AGPS: variants seen among roughly 807,000 people sequenced by gnomAD.
AGPS encodes alkylglycerone phosphate synthase.
AGPS carries 26 observed loss-of-function variants against 90.7 expected under a neutral mutation model. The ratio of observed to expected loss-of-function variants is 0.29; its 90% CI spans 0.21 to 0.40. The LOEUF (loss-of-function observed/expected upper bound fraction) is 0.40, where lower values mean the gene tolerates loss of function less well. Ranked by LOEUF, AGPS falls within the 10% of genes least tolerant of loss-of-function variation. The pLI is 1.00. For synonymous variants in AGPS, 294 were observed against 285.3 expected (o/e 1.03, Z -0.31); for missense variants, 540 against 816.1 (o/e 0.66, Z 4.12).
chr2:177,524,105 C>CA (rs1441723443), intron 19 of AGPS, among the ~76,000 whole-genome samples: 2 of 152,112 alleles, frequency 1.3e-5, no homozygotes, highest in East Asian at 3.9e-4. Flanking sequence ...ACCATTACAG[C>CA]AAACGTTTTT....
intron 1 of AGPS, among the ~76,000 whole-genome samples, chr2:177,411,866 G>T (rs973151218): frequency 2.0e-5 from 3 of 152,148 alleles, no homozygotes; most frequent in Non-Finnish European, 4.4e-5. Context: ...AGGAGCCAAG[G>T]CTTGGAGATT....
chr2:177,519,467 C>T (rs1689118123), intron 17 of AGPS, among the ~76,000 whole-genome samples: 1 of 152,134 alleles, frequency 6.6e-6, no homozygotes, highest in South Asian at 2.1e-4. Flanking sequence ...TCTCGTTTGT[C>T]ATTCTGTATC....
chr2:177,528,603 C>T (rs1424947157), intron 19 of AGPS, among the ~76,000 whole-genome samples: 1 of 152,176 alleles, frequency 6.6e-6, no homozygotes, highest in Non-Finnish European at 1.5e-5. Flanking sequence ...GAGGGATCTT[C>T]CCTGTCCTCT....
intron 1 of AGPS, among the ~76,000 whole-genome samples, chr2:177,415,303 T>C (rs2060929): frequency 0.69 from 105,259 of 152,038 alleles, 37,037 homozygotes; most frequent in Admixed American, 0.77. Flanking sequence ...CTATGCAATA[T>C]ATACCCAGGA....
At chr2:177,453,098 T>A (rs925132054) in intron 8 of AGPS, among the ~76,000 whole-genome samples, 1 of 151,950 alleles carries the variant, frequency 6.6e-6, no homozygotes, top group African/African-American at 2.4e-5. Context: ...TATTTCACCT[T>A]TGTTTTTAAA....
At chr2:177,526,034 T>C (rs1294411287) in intron 19 of AGPS, among the ~76,000 whole-genome samples, 1 of 152,120 alleles carries the variant, frequency 6.6e-6, no homozygotes, top group Non-Finnish European at 1.5e-5. Flanking sequence ...TATAAAATAA[T>C]AGAATTAACC....
At chr2:177,453,053 T>A (rs966619265) in intron 8 of AGPS, among the ~76,000 whole-genome samples, 2 of 151,990 alleles carry the variant, frequency 1.3e-5, no homozygotes, top group Non-Finnish European at 2.9e-5. Context: ...GTGGGTCTGC[T>A]GTTGGCAAAT....
At chr2:177,443,404 G>A (rs1257945944) in intron 7 of AGPS, among the ~76,000 whole-genome samples, 1 of 152,126 alleles carries the variant, frequency 6.6e-6, no homozygotes, top group Non-Finnish European at 1.5e-5. Flanking sequence ...AAGAAACAAG[G>A]TTATTTGTAG....
At chr2:177,396,181 A>G (rs1447643635) in intron 1 of AGPS, among the ~76,000 whole-genome samples, 1 of 152,224 alleles carries the variant, frequency 6.6e-6, no homozygotes, top group African/African-American at 2.4e-5. Flanking sequence ...GGAACAGCAT[A>G]TGACAAAGCA....
intron 2 of AGPS, among the ~76,000 whole-genome samples, chr2:177,421,619 A>G (rs1448322424): frequency 3.3e-5 from 5 of 152,034 alleles, no homozygotes; most frequent in Admixed American, 6.6e-5. Context: ...GTAGCAAGCA[A>G]TGGAGGCTTA....
intron 2 of AGPS, among the ~76,000 whole-genome samples, chr2:177,428,751 T>C (rs1251634293): frequency 6.6e-6 from 1 of 152,088 alleles, no homozygotes; most frequent in Non-Finnish European, 1.5e-5. Flanking sequence ...CCCATAACAT[T>C]TTTTCTCTCT....
chr2:177,441,537 T>C (rs1201560717), intron 6 of AGPS: 1 of 154,976 alleles, frequency 6.5e-6, no homozygotes, highest in Non-Finnish European at 1.4e-5. Flanking sequence ...TCCAAATGAC[T>C]GTGACAAGCA....
chr2:177,519,131 T>C (rs1689107186), intron 17 of AGPS, among the ~76,000 whole-genome samples: 1 of 152,162 alleles, frequency 6.6e-6, no homozygotes, highest in African/African-American at 2.4e-5. Flanking sequence ...GATGTCAGAA[T>C]TGTAGTTATT....
intron 8 of AGPS, among the ~76,000 whole-genome samples, chr2:177,447,831 C>G (rs1196911974): frequency 6.6e-6 from 1 of 152,082 alleles, no homozygotes; most frequent in African/African-American, 2.4e-5. Context: ...CCTTCAGATT[C>G]TACTTCAGTT....
At chr2:177,415,962 A>C (rs985081351) in intron 1 of AGPS, among the ~76,000 whole-genome samples, 1 of 152,184 alleles carries the variant, frequency 6.6e-6, no homozygotes, top group Non-Finnish European at 1.5e-5. Context: ...GAATTTTATC[A>C]GAAAAACTTT....
intron 14 of AGPS, 124 bp from the exon 15 acceptor site, chr2:177,505,380 CAG>C (rs1228003928): frequency 6.4e-5 from 53 of 827,386 alleles, no homozygotes; most frequent in African/African-American, 3.4e-4. Flanking sequence ...TAAGATGAAA[CAG>C]AAATATTAAA....
chr2:177,496,947 A>G (rs929663432), intron 12 of AGPS, among the ~76,000 whole-genome samples: 60 of 152,118 alleles, frequency 3.9e-4, no homozygotes, highest in African/African-American at 6.3e-4. Context: ...AAAATTTTGT[A>G]TAAATGGTAT....
intron 16 of AGPS, among the ~76,000 whole-genome samples, chr2:177,509,768 C>G (rs542254577): frequency 6.6e-6 from 1 of 151,694 alleles, no homozygotes; most frequent in East Asian, 1.9e-4. Context: ...AAAATAAATG[C>G]TTAACATCTT....
At chr2:177,494,412 A>G (rs546497899) in intron 12 of AGPS, among the ~76,000 whole-genome samples, 1 of 152,350 alleles carries the variant, frequency 6.6e-6, no homozygotes, top group Admixed American at 6.5e-5. Flanking sequence ...ACTTAAATCA[A>G]GTGAAAAACC....
Sources: gnomAD v4.1 joint callset for allele counts (sites outside exome capture counted in the v4.1 genomes callset) on GRCh38, gnomAD v4.1.1 for gene constraint, MANE v1.5 for transcripts, NCBI Gene and HGNC (gene_info 2026-07-23, HGNC 2026-07-21) for gene names.